Variants in ZNF644 observed in about 807,000 individuals in gnomAD.
The protein encoded by ZNF644 is zinc finger protein 644, also known as zinc finger motif enhancer binding protein 2.
Under a neutral mutation model 108.0 loss-of-function variants are expected in ZNF644, and 20 were observed. The ratio of observed to expected loss-of-function variants is 0.19; its 90% CI spans 0.13 to 0.27. The LOEUF is 0.27. ZNF644 is among the 10% of genes least tolerant of loss of function. The probability of loss-of-function intolerance (pLI) is 1.00; values close to 1 mark genes in which losing one functional copy is unlikely to be tolerated. For missense variants in ZNF644, 1,338 were observed against 1,548.9 expected (o/e 0.86, Z 2.29); for synonymous variants, 542 against 539.1 (o/e 1.01, Z -0.08).
At chr1:90,917,776 G>A (rs1648969067) in intron 5 of ZNF644, among the ~76,000 whole-genome samples, 1 of 152,168 alleles carries the variant, frequency 6.6e-6, no homozygotes, top group Non-Finnish European at 1.5e-5. Flanking sequence ...GGAATTACAG[G>A]CATGAGCCAC....
rs577656039 is a variant in ZNF644, at chr1:90,994,118, T to C, written c.-17-11748A>G. On this transcript the variant is annotated intron_variant, in intron 1 of 5. Transcript: ENST00000337393. The stretch of plus-strand genomic sequence containing the variant: ...CTTCTTAGTACATTTGCAAAAACTA[T>C]TGGGAAAGTGTCACTTGAATCCTCA... Among the ~76,000 whole-genome samples, 55 of 152,288 alleles carry C rather than the reference T, an allele frequency of 3.6e-4. 1 individual carries two copies. Among genetic ancestry groups the C allele is most frequent in the African/African-American group, 1.2e-3 (48 of 41,544 alleles).
At chr1:90,932,765 A>C (rs1283369399) in intron 4 of ZNF644, among the ~76,000 whole-genome samples, 1 of 152,168 alleles carries the variant, frequency 6.6e-6, no homozygotes, top group Non-Finnish European at 1.5e-5. Flanking sequence ...CTACTGATCA[A>C]GAAGATTTTT....
intron 2 of ZNF644, among the ~76,000 whole-genome samples, chr1:90,967,041 C>T (rs1001501060): frequency 6.6e-6 from 1 of 152,156 alleles, no homozygotes; most frequent in East Asian, 1.9e-4. Context: ...CTGTAAAACA[C>T]ATTTTCCCTT....
At chr1:90,963,015 GC>G (rs1654489346) in intron 2 of ZNF644, among the ~76,000 whole-genome samples, 2 of 152,196 alleles carry the variant, frequency 1.3e-5, no homozygotes, top group East Asian at 3.9e-4. Context: ...TGAAAGTCAA[GC>G]CAAAGTGGAA....
chr1:90,930,402 A>C (rs1384854915), intron 4 of ZNF644, among the ~76,000 whole-genome samples: 1 of 152,248 alleles, frequency 6.6e-6, no homozygotes, highest in Non-Finnish European at 1.5e-5. Flanking sequence ...AATTACTTTA[A>C]GTCCCAGAGG....
chr1:90,926,155 A>G (rs372226258), intron 4 of ZNF644, among the ~76,000 whole-genome samples: 15 of 152,200 alleles, frequency 9.9e-5, no homozygotes, highest in East Asian at 5.8e-4. Flanking sequence ...CTTACTGATA[A>G]GAGATCACCA....
At chr1:91,004,971 G>T (rs1055193692) in intron 1 of ZNF644, among the ~76,000 whole-genome samples, 1 of 152,010 alleles carries the variant, frequency 6.6e-6, no homozygotes, top group African/African-American at 2.4e-5. Flanking sequence ...CAAAATAGCA[G>T]ATGTAAATTC....
In ZNF644 at chr1:90,938,799, C is replaced by T; in HGVS notation, c.2555G>A (p.Ser852Asn). 3.7e-6 allele frequency: 6 copies of T among 1,613,820 alleles called. No homozygotes were observed. Among genetic ancestry groups the T allele is most frequent in the Non-Finnish European group, 5.1e-6 (6 of 1,179,918 alleles). Residue 852 changes from serine (S) to asparagine (N), a missense_variant, in exon 3 of 6, where the codon AGT becomes AAT. Ser to Asn is a conservative substitution (Grantham distance 46). Transcript: ENST00000337393. The surrounding 1 kb of genome is among the most constrained non-coding windows in gnomAD (Gnocchi z 4.2). ...QKLNSAEKKD[S>N]YETEDESSWD... ...GGAACTTTCATCTTCTGTTTCATAA[C>T]TATCTTTCTTTTCAGCAGAATTAAG...
rs775094224 is a variant in ZNF644, at chr1:90,928,614, C to G, written c.3688+8871G>C. ...ATGGGATTACAAGTGTGAGCCACCA[C>G]GCCCGGCCTCCTTATTTTTAAAACA... On this transcript the variant is annotated intron_variant, in intron 4 of 5. Transcript: ENST00000337393. 2.6e-5 allele frequency among the ~76,000 whole-genome samples: 4 copies of G among 152,228 alleles called. No homozygotes were observed. In the East Asian group the frequency reaches 7.7e-4, roughly 29 times the overall value.
intron 2 of ZNF644, among the ~76,000 whole-genome samples, chr1:90,970,388 CTT>C (rs1216743585): frequency 7.9e-5 from 12 of 152,248 alleles, no homozygotes; most frequent in African/African-American, 2.9e-4. Context: ...ACTTGGGAAA[CTT>C]TTAAAAATGA....
rs606614 is a variant in ZNF644, at chr1:90,983,992, A to G, written c.-17-1622T>C. ...TGAAAATGCTGCTTTCGTAGACTGGAAGGACATGGGCCATAGCCAGGAATG... is the reference window on the plus strand; with the variant it reads ...TGAAAATGCTGCTTTCGTAGACTGGGAGGACATGGGCCATAGCCAGGAATG... On this transcript the variant is annotated intron_variant, in intron 1 of 5. Transcript: ENST00000337393. Among the ~76,000 whole-genome samples, 233 of 152,248 alleles carry G rather than the reference A, an allele frequency of 1.5e-3. 4 individuals are homozygous for G. Among genetic ancestry groups the G allele is most frequent in the Middle Eastern group, 0.01 (3 of 294 alleles).
chr1:90,927,233 C>CA (rs1488694702), intron 4 of ZNF644, among the ~76,000 whole-genome samples: 3 of 152,174 alleles, frequency 2.0e-5, no homozygotes, highest in Non-Finnish European at 4.4e-5. Context: ...TGGCACTTAA[C>CA]AATTTGTCTT....
intron 2 of ZNF644, among the ~76,000 whole-genome samples, chr1:90,980,796 C>T (rs538959167): frequency 9.2e-5 from 14 of 152,180 alleles, no homozygotes; most frequent in South Asian, 2.1e-4. Flanking sequence ...ATGATTACTT[C>T]AGGGGAAAAG....
rs1406972607 is a variant in ZNF644 at position 90,938,115 on chromosome 1, T to C, written c.3083-25A>G. 6.2e-7 allele frequency: 1 copy of C among 1,610,026 alleles called. No individual in the cohort carries two copies. The highest frequency in any genetic ancestry group is 8.5e-7 in the Non-Finnish European group (1 of 1,178,788). Reference sequence around the variant, plus strand: ...GCTAGAAAAAAATTTTTAAGAGTAATATCAGACTTTCTTATATAAACTGAC... The same window carrying C: ...GCTAGAAAAAAATTTTTAAGAGTAACATCAGACTTTCTTATATAAACTGAC... On this transcript the variant is annotated intron_variant, in intron 3 of 5. Transcript: ENST00000337393. This position sits in a 1 kb window ranked among gnomAD's most constrained non-coding sequence, Gnocchi z 4.2.
intron 4 of ZNF644, among the ~76,000 whole-genome samples, chr1:90,931,238 T>C (rs994221757): frequency 4.6e-5 from 7 of 152,038 alleles, no homozygotes; most frequent in African/African-American, 1.7e-4. Context: ...AGTCCAGAAG[T>C]AATTAATATA....
chr1:90,991,566 T>A (rs1284452803), intron 1 of ZNF644, among the ~76,000 whole-genome samples: 1 of 152,192 alleles, frequency 6.6e-6, no homozygotes, highest in Non-Finnish European at 1.5e-5. Context: ...TTCCGCAGGC[T>A]GTACAGAAAG....
intron 2 of ZNF644, among the ~76,000 whole-genome samples, chr1:90,977,842 C>A (rs142066628): frequency 0.011 from 1,682 of 152,070 alleles, 37 homozygotes; most frequent in African/African-American, 0.039. Context: ...AATAAGGTAA[C>A]AGTTATAATA....
intron 2 of ZNF644, among the ~76,000 whole-genome samples, chr1:90,966,030 C>T (rs1056566823): frequency 1.3e-4 from 20 of 152,180 alleles, no homozygotes; most frequent in African/African-American, 4.6e-4. Flanking sequence ...GGCTTATAGG[C>T]ATGAGCCACC....
intron 2 of ZNF644, among the ~76,000 whole-genome samples, chr1:90,949,562 C>T (rs1003019967): frequency 6.6e-6 from 1 of 151,912 alleles, no homozygotes; most frequent in Non-Finnish European, 1.5e-5. Context: ...GTGGGTTTTG[C>T]ATCCTCAGAT....
Sources: allele counts gnomAD v4.1 joint callset (sites outside exome capture counted in the v4.1 genomes callset), GRCh38; gene constraint gnomAD v4.1.1; non-coding constraint Gnocchi (gnomAD v3.1); transcripts MANE v1.5; gene names NCBI Gene and HGNC (gene_info 2026-07-23, HGNC 2026-07-21).